PRKD1: variants seen among roughly 807,000 people sequenced by gnomAD.
PRKD1 encodes the protein protein kinase D1, also known as serine/threonine-protein kinase D1.
A neutral mutation model predicts 95.9 loss-of-function variants in PRKD1; 63 were observed. That is an observed-to-expected ratio of 0.66 (90% CI 0.54 to 0.81). The LOEUF (loss-of-function observed/expected upper bound fraction) is 0.81. PRKD1 is among the 30% of genes least tolerant of loss of function. The pLI is 0.00. For missense variants in PRKD1, 1,048 were observed against 1,165.3 expected (o/e 0.90, Z 1.47); for synonymous variants, 425 against 423.1 (o/e 1.00, Z -0.05).
intron 16 of PRKD1, among the ~76,000 whole-genome samples, chr14:29,585,953 A>G (rs1431485932): frequency 1.3e-5 from 2 of 152,218 alleles, no homozygotes; most frequent in Non-Finnish European, 2.9e-5. Context: ...TGTGCTAAGT[A>G]GTGCTTCTCT....
At position 29,712,563 on chromosome 14, in the gene PRKD1, C is replaced by G. The variant is rs575167171; in HGVS notation, c.403+12973G>C. On this transcript the variant is annotated intron_variant, in intron 2 of 17. Coordinates refer to ENST00000331968, the MANE Select transcript of PRKD1 (RefSeq NM_002742.3). Reference sequence around the variant, plus strand: ...GCTATCTGGTATATTTATGTGTCAACTTTAAGCCTGAAGTCAGCACTGGTA... The same window carrying G: ...GCTATCTGGTATATTTATGTGTCAAGTTTAAGCCTGAAGTCAGCACTGGTA... 7.2e-4 allele frequency among the ~76,000 whole-genome samples: 110 copies of G among 152,238 alleles called. 1 individual carries two copies. The South Asian group carries it at 0.016, about 23-fold the overall frequency.
At chr14:29,669,862 T>C (rs938618308) in intron 2 of PRKD1, among the ~76,000 whole-genome samples, 3 of 152,172 alleles carry the variant, frequency 2.0e-5, no homozygotes, top group African/African-American at 7.2e-5. Flanking sequence ...AGTGAGACTG[T>C]GTCTCAAAAA....
At chr14:29,782,098 A>G (rs953562497) in intron 1 of PRKD1, among the ~76,000 whole-genome samples, 14 of 152,224 alleles carry the variant, frequency 9.2e-5, no homozygotes, top group African/African-American at 3.4e-4. Flanking sequence ...ACAGTGTATC[A>G]TAATGCTCAG....
At chr14:29,876,325 A>G (rs1893287736) in intron 1 of PRKD1, among the ~76,000 whole-genome samples, 1 of 152,188 alleles carries the variant, frequency 6.6e-6, no homozygotes, top group Admixed American at 6.5e-5. Context: ...GTCATTGCCA[A>G]CCAGGGATCA....
rs199668864 is a variant in PRKD1, at chr14:29,826,710, C to CAT, written c.264+100537_264+100538dup. The stretch of plus-strand genomic sequence containing the variant: ...ACACACATATATATACATATATACA[C>CAT]ATATATATATACATATATATACACA... On this transcript the variant is annotated intron_variant, in intron 1 of 17. Coordinates refer to ENST00000331968, the MANE Select transcript of PRKD1 (RefSeq NM_002742.3). Among the ~76,000 whole-genome samples the CAT allele has an allele frequency of 4.3e-4, 29 of 67,754 alleles. 2 individuals carry two copies. Among genetic ancestry groups the CAT allele is most frequent in the Non-Finnish European group, 2.5e-4 (9 of 36,378 alleles). The allele number at this position is 67,754 out of a possible 152,430, so 44.4% of individuals were successfully genotyped here.
At chr14:29,894,366 T>C (rs1291771062) in intron 1 of PRKD1, among the ~76,000 whole-genome samples, 1 of 152,168 alleles carries the variant, frequency 6.6e-6, no homozygotes, top group Non-Finnish European at 1.5e-5. Flanking sequence ...TTGTTCTAGA[T>C]GCAAGGGGAA....
At chr14:29,583,835 T>A (rs191756206) in intron 16 of PRKD1, among the ~76,000 whole-genome samples, 66 of 152,258 alleles carry the variant, frequency 4.3e-4, no homozygotes, top group Non-Finnish European at 6.3e-4. Context: ...ATAAAAAAAA[T>A]TTATTTTTTG....
chr14:29,752,264 T>C (rs1197770219), intron 1 of PRKD1, among the ~76,000 whole-genome samples: 1 of 152,204 alleles, frequency 6.6e-6, no homozygotes, highest in African/African-American at 2.4e-5. Flanking sequence ...GAACATTTTT[T>C]TCAGAGAGTC....
intron 1 of PRKD1, among the ~76,000 whole-genome samples, chr14:29,801,618 T>C (rs2139219115): frequency 6.6e-6 from 1 of 151,896 alleles, no homozygotes; most frequent in South Asian, 2.1e-4. Flanking sequence ...ACTTAGGTTT[T>C]GGTGGTCTTA....
At chr14:29,782,649 A>G (rs1385748244) in intron 1 of PRKD1, among the ~76,000 whole-genome samples, 1 of 151,566 alleles carries the variant, frequency 6.6e-6, no homozygotes, top group African/African-American at 2.4e-5. Flanking sequence ...TCCCGCCTCA[A>G]CCTCCCAAGT....
intron 1 of PRKD1, 95 bp downstream of exon 1, chr14:29,927,154 C>T (rs1656406368): frequency 1.6e-6 from 2 of 1,267,372 alleles, no homozygotes; most frequent in South Asian, 2.4e-5. Flanking sequence ...CCAGCCGAGC[C>T]CCGGGAGCCG....
chr14:29,625,165 CT>C (rs1462228154), intron 12 of PRKD1, among the ~76,000 whole-genome samples: 1 of 152,182 alleles, frequency 6.6e-6, no homozygotes, highest in Non-Finnish European at 1.5e-5. Flanking sequence ...CTTCCCTTCA[CT>C]ATCAAATCAG....
rs1040714708 is a variant in PRKD1, at chr14:29,690,974, G to T, written c.404-24766C>A. 4.6e-5 allele frequency among the ~76,000 whole-genome samples: 7 copies of T among 152,138 alleles called. No homozygotes were observed. In the East Asian group the frequency reaches 1.3e-3, roughly 29 times the overall value. ...ACCGTGGTAATGTATGATAACTGGTGAATCATTTAGTTTTGACTTGAACAA... is the reference window on the plus strand; with the variant it reads ...ACCGTGGTAATGTATGATAACTGGTTAATCATTTAGTTTTGACTTGAACAA... On this transcript the variant is annotated intron_variant, in intron 2 of 17. Coordinates refer to ENST00000331968, the MANE Select transcript of PRKD1 (RefSeq NM_002742.3).
chr14:29,625,840 A>G (rs1879582473), intron 12 of PRKD1, among the ~76,000 whole-genome samples: 1 of 152,172 alleles, frequency 6.6e-6, no homozygotes, highest in Admixed American at 6.5e-5. Context: ...TCTTATTGAT[A>G]ATATTAAGGA....
intron 15 of PRKD1, among the ~76,000 whole-genome samples, chr14:29,598,675 G>C (rs927748741): frequency 6.6e-6 from 1 of 152,142 alleles, no homozygotes; most frequent in Non-Finnish European, 1.5e-5. Context: ...CTAAGTTGAG[G>C]AAAGGAAAAA....
intron 1 of PRKD1, among the ~76,000 whole-genome samples, chr14:29,865,448 C>G (rs1308500826): frequency 6.6e-6 from 1 of 152,176 alleles, no homozygotes; most frequent in Non-Finnish European, 1.5e-5. Flanking sequence ...AGTGATTCAT[C>G]CTTGAGGGCT....
chr14:29,760,349 C>CTTT (rs36093531), intron 1 of PRKD1, among the ~76,000 whole-genome samples: 24 of 114,138 alleles, frequency 2.1e-4, no homozygotes, highest in Admixed American at 5.1e-4. Context: ...ATTTTCTCAA[C>CTTT]TTTTTTTTTT....
intron 2 of PRKD1, among the ~76,000 whole-genome samples, chr14:29,691,390 G>C (rs572847556): frequency 1.3e-5 from 2 of 152,238 alleles, no homozygotes; most frequent in Non-Finnish European, 2.9e-5. Context: ...GGGAAGTATA[G>C]GTATTTTAAA....
At chr14:29,676,981 T>C (rs1228304935) in intron 2 of PRKD1, among the ~76,000 whole-genome samples, 2 of 152,206 alleles carry the variant, frequency 1.3e-5, no homozygotes, top group Non-Finnish European at 2.9e-5. Context: ...AAGTTCTCAA[T>C]AGCTACATGT....
Sources: gnomAD v4.1 joint callset for allele counts (sites outside exome capture counted in the v4.1 genomes callset) on GRCh38, gnomAD v4.1.1 for gene constraint, MANE v1.5 for transcripts, NCBI Gene and HGNC (gene_info 2026-07-23, HGNC 2026-07-21) for gene names.